Variants in IGF2R observed in about 807,000 individuals in gnomAD.
The protein encoded by IGF2R is insulin like growth factor 2 receptor, also known as cation-independent mannose-6-phosphate receptor.
IGF2R carries 91 observed loss-of-function variants against 270.6 expected under a neutral mutation model. The observed-to-expected ratio is 0.34, with a 90% CI of 0.28 to 0.40. The LOEUF (loss-of-function observed/expected upper bound fraction) is 0.40. IGF2R is among the 10% of genes least tolerant of loss of function. IGF2R has a pLI of 1.00. For missense variants in IGF2R, 2,805 were observed against 3,188.3 expected (o/e 0.88, Z 2.90); for synonymous variants, 1,316 against 1,258.9 (o/e 1.05, Z -0.96).
At chr6:159,975,741 A>G (rs1422104896) in intron 1 of IGF2R, among the ~76,000 whole-genome samples, 13 of 146,476 alleles carry the variant, frequency 8.9e-5, no homozygotes, top group Non-Finnish European at 1.9e-4. Context: ...AAGCATATTT[A>G]TTATATATAT....
At chr6:159,984,427 T>C (rs1783850246) in intron 1 of IGF2R, among the ~76,000 whole-genome samples, 1 of 151,702 alleles carries the variant, frequency 6.6e-6, no homozygotes, top group African/African-American at 2.4e-5. Context: ...GTCCACTCAC[T>C]CACTGACTCA....
At chr6:159,971,050 A>T (rs564108117) in intron 1 of IGF2R, among the ~76,000 whole-genome samples, 35 of 152,330 alleles carry the variant, frequency 2.3e-4, no homozygotes, top group African/African-American at 7.9e-4. Flanking sequence ...GTTGCACTCT[A>T]GTCTGGGCGA....
chr6:160,057,353 T>C (rs1778337879), intron 20 of IGF2R, among the ~76,000 whole-genome samples: 1 of 152,210 alleles, frequency 6.6e-6, no homozygotes, highest in Non-Finnish European at 1.5e-5. Flanking sequence ...TATATTTCTT[T>C]ATGGTGGGAC....
chr6:160,100,813 C>A (rs1779468662), intron 45 of IGF2R, among the ~76,000 whole-genome samples: 3 of 54,296 alleles, frequency 5.5e-5, no homozygotes, highest in South Asian at 6.7e-4. Context: ...TTTTTGGAGA[C>A]AGAGACTTGC....
chr6:160,064,691 G>A, intron 28 of IGF2R, 113 bp from the exon 29 acceptor site: 1 of 1,104,148 alleles, frequency 9.1e-7, no homozygotes, highest in Non-Finnish European at 1.3e-6. Flanking sequence ...TCATCAGTTA[G>A]TATTGATTTT....
chr6:160,075,939 C>T lies in IGF2R; in HGVS notation c.5259C>T (p.Asp1753=). 6.2e-7 allele frequency: 1 copy of T among 1,614,158 alleles called. No homozygotes were observed. Among genetic ancestry groups the T allele is most frequent in the Non-Finnish European group, 8.5e-7 (1 of 1,179,968 alleles). The change falls in exon 36 of 48, where the codon GAC becomes GAT. Residue 1753 remains aspartate (D), a synonymous_variant. Coordinates refer to ENST00000356956, the MANE Select transcript of IGF2R (RefSeq NM_000876.4). ...NFESSTPCLA[D]KHFNYTSLIA... The stretch of plus-strand genomic sequence containing the variant: ...AAAGCAGTACTCCTTGCTTAGCGGA[C>T]AAGCATTTCAACTACACCTCGCTCA...
chr6:159,994,629 G>A (rs548046168), intron 2 of IGF2R, among the ~76,000 whole-genome samples: 1 of 151,850 alleles, frequency 6.6e-6, no homozygotes, highest in South Asian at 2.1e-4. Context: ...CAGAGGTTTT[G>A]GTCCATTGTG....
At chr6:160,034,367 T>A (rs532110062) in intron 9 of IGF2R, 52 bp from the exon 10 acceptor site, 278 of 1,225,300 alleles carry the variant, frequency 2.3e-4, no homozygotes, top group Non-Finnish European at 3.3e-4. Context: ...AGATTCAAGT[T>A]TTTTTCTTGG....
At chr6:160,104,637 G>C in intron 47 of IGF2R, 37 bp from the exon 48 acceptor site, 1 of 1,585,132 alleles carries the variant, frequency 6.3e-7, no homozygotes, top group Non-Finnish European at 8.6e-7. Context: ...GGGTCTCTTA[G>C]GGGGCTCACG....
chr6:160,064,754 C>T (rs750593529), intron 28 of IGF2R, 50 bp from the exon 29 acceptor site: 2 of 1,341,086 alleles, frequency 1.5e-6, no homozygotes, highest in South Asian at 2.4e-5. Context: ...AAAGTATAAA[C>T]TAAAGTTTTG....
rs1778177958 is a variant in IGF2R at position 160,050,723 on chromosome 6, T to G, written c.2694+71T>G. On this transcript the variant is annotated intron_variant, in intron 19 of 47. Transcript: ENST00000356956. This position sits in a 1 kb window ranked among gnomAD's most constrained non-coding sequence, Gnocchi z 4.0. ...GACTGAGCGTTGCCTTATGTGTCTC[T>G]TAACAGCAGCAGTCTTGGGGTGGGT... 7.2e-7 allele frequency: 1 copy of G among 1,385,032 alleles called. No individual in the cohort carries two copies. Among genetic ancestry groups the G allele is most frequent in the Admixed American group, 2.2e-5 (1 of 45,388 alleles). 85.8% of individuals were successfully genotyped at this position (1,385,032 alleles called of 1,614,324 possible). A position where few individuals can be genotyped will look rare whatever the true frequency, so the allele number is the denominator to read the frequency against.
chr6:160,096,665 A>G (rs1302316248), intron 45 of IGF2R, 40 bp downstream of exon 45: 3 of 1,488,994 alleles, frequency 2.0e-6, no homozygotes, highest in East Asian at 2.3e-5. Flanking sequence ...TGTACCCCAC[A>G]TCTTCCCTTA....
rs1428883374 is a variant in IGF2R, at chr6:160,102,570, G to A, written c.6894G>A (p.Gly2298=). The change falls in exon 46 of 48, where the codon GGG becomes GGA. Residue 2298 remains glycine, a synonymous_variant. Coordinates refer to ENST00000356956, the MANE Select transcript of IGF2R (RefSeq NM_000876.4). This position sits in a 1 kb window ranked among gnomAD's most constrained non-coding sequence, Gnocchi z 4.5. ...NPGDDGQMHK[G]LSERSQAVGA... ...GGGACGACGGGCAGATGCACAAGGG[G>A]CTGTCAGAACGGAGCCAGGCAGTCG... 5.0e-6 allele frequency: 8 copies of A among 1,613,434 alleles called. No individual in the cohort carries two copies. The highest frequency in any genetic ancestry group is 6.8e-6 in the Non-Finnish European group (8 of 1,179,988).
At chr6:160,085,379 C>T (rs1256903127) in intron 41 of IGF2R, among the ~76,000 whole-genome samples, 4 of 152,104 alleles carry the variant, frequency 2.6e-5, no homozygotes, top group African/African-American at 7.2e-5. Flanking sequence ...CGGGGAAGTG[C>T]GTCTATCCAG....
chr6:159,971,548 T>C (rs9355769), intron 1 of IGF2R, among the ~76,000 whole-genome samples: 11,627 of 152,290 alleles, frequency 0.076, 493 homozygotes, highest in South Asian at 0.099. Flanking sequence ...CCCACCTCTT[T>C]CCCTGTTACT....
chr6:160,010,767 A>G lies in IGF2R; in HGVS notation c.495A>G (p.Ile165Met). 1 of 1,605,178 alleles carries G rather than the reference A, an allele frequency of 6.2e-7. No individual in the cohort carries two copies. Among genetic ancestry groups the G allele is most frequent in the Non-Finnish European group, 8.5e-7 (1 of 1,171,830 alleles). ...WRTTAACKKD[I>M]FKANKEVPCY... ...CCACTGCAGCCTGCAAGAAAGACAT[A>G]TTTAAAGCAAATAAGGAGGTAACAT... Residue 165 changes from isoleucine to methionine, a missense_variant, in exon 4 of 48, where the codon ATA (isoleucine) becomes ATG (methionine). By Grantham distance (10) the Ile-to-Met change is conservative. Transcript: ENST00000356956.
chr6:160,000,938 T>C (rs1583251073), intron 2 of IGF2R, among the ~76,000 whole-genome samples: 1 of 152,010 alleles, frequency 6.6e-6, no homozygotes, highest in East Asian at 1.9e-4. Context: ...GGTTTCACCA[T>C]GTTGGCCAGG....
intron 6 of IGF2R, 40 bp from the exon 7 acceptor site, chr6:160,029,510 A>G: frequency 7.4e-7 from 1 of 1,346,714 alleles, no homozygotes; most frequent in Non-Finnish European, 1.1e-6. Context: ...GATGTACTTT[A>G]TACTTTTGTA....
chr6:160,024,495 G>A (rs1284763917), intron 4 of IGF2R, 77 bp from the exon 5 acceptor site: 11 of 1,378,822 alleles, frequency 8.0e-6, no homozygotes, highest in Non-Finnish European at 1.1e-5. Context: ...GAGCAGTGTT[G>A]TGTGACATTG....
Sources: gnomAD v4.1 joint callset for allele counts (sites outside exome capture counted in the v4.1 genomes callset) on GRCh38, gnomAD v4.1.1 for gene constraint, Gnocchi (gnomAD v3.1) non-coding constraint, MANE v1.5 for transcripts, NCBI Gene and HGNC (gene_info 2026-07-23, HGNC 2026-07-21) for gene names.